The following PTPRT variants were observed in gnomAD, a reference collection of about 807,000 sequenced individuals.
PTPRT encodes the protein receptor-type tyrosine-protein phosphatase T.
In PTPRT, 56 loss-of-function variants were observed where a neutral mutation model predicts 176.8. That is an observed-to-expected ratio of 0.32 (90% CI 0.26 to 0.40). The LOEUF (loss-of-function observed/expected upper bound fraction) is 0.40. PTPRT is among the 10% of genes least tolerant of loss of function. The pLI is 1.00. For missense variants in PTPRT, 1,540 were observed against 1,908.2 expected, an observed-to-expected ratio of 0.81 and a Z score of 3.60; for synonymous variants, 783 against 739.0, an observed-to-expected ratio of 1.06 and a Z score of -0.96.
chr20:42,290,006 ACCTTC>A (rs2057293269), intron 12 of PTPRT, among the ~76,000 whole-genome samples: 1 of 151,926 alleles, frequency 6.6e-6, no homozygotes, highest in African/African-American at 2.4e-5. Context: ...CACTCTCTTG[ACCTTC>A]TGAGTGACTA....
At chr20:42,740,460 C>T (rs779482281) in intron 6 of PTPRT, among the ~76,000 whole-genome samples, 4 of 152,140 alleles carry the variant, frequency 2.6e-5, no homozygotes, top group Admixed American at 2.0e-4. Context: ...TCTGTGCAGC[C>T]CCTGCCGAGT....
intron 1 of PTPRT, among the ~76,000 whole-genome samples, chr20:43,123,251 A>G (rs1568798534): frequency 1.3e-5 from 2 of 152,238 alleles, no homozygotes; most frequent in African/African-American, 4.8e-5. Context: ...CACAAGGGGA[A>G]GAGTAAAACT....
At chr20:43,152,824 A>G (rs975325615) in intron 1 of PTPRT, among the ~76,000 whole-genome samples, 2 of 152,194 alleles carry the variant, frequency 1.3e-5, no homozygotes, top group African/African-American at 4.8e-5. Context: ...CATACTATAT[A>G]TCAAGCTTCT....
intron 23 of PTPRT, among the ~76,000 whole-genome samples, chr20:42,107,415 G>A (rs368343937): frequency 5.3e-5 from 8 of 152,200 alleles, no homozygotes; most frequent in Non-Finnish European, 1.2e-4. Flanking sequence ...TCGCAGGATC[G>A]TGAAGCAAGA....
At chr20:42,237,509 GC>G (rs1301867011) in intron 14 of PTPRT, among the ~76,000 whole-genome samples, 1 of 152,142 alleles carries the variant, frequency 6.6e-6, no homozygotes, top group Non-Finnish European at 1.5e-5. Flanking sequence ...TGAGGCTGCT[GC>G]CCCCCACCAT....
intron 7 of PTPRT, among the ~76,000 whole-genome samples, chr20:42,497,988 T>C (rs2071684839): frequency 6.6e-6 from 1 of 152,142 alleles, no homozygotes. Context: ...AATTTAACCT[T>C]TCTTTTGTAA....
At chr20:42,517,782 A>T (rs1463689002) in intron 7 of PTPRT, among the ~76,000 whole-genome samples, 1 of 152,024 alleles carries the variant, frequency 6.6e-6, no homozygotes, top group Non-Finnish European at 1.5e-5. Flanking sequence ...CCACACACAG[A>T]TTTTAAAATA....
rs1053840569 is a variant in PTPRT at position 42,357,256 on chromosome 20, G to A, written c.1561-4971C>T. On this transcript the variant is annotated intron_variant, in intron 9 of 30. Coordinates refer to ENST00000373187, the MANE Select transcript of PTPRT (RefSeq NM_007050.6). ...GGACTTATGGCTACTCTCACACTAC[G>A]AAAGCAGAGAGAAGTAGCAACAGAT... Among the ~76,000 whole-genome samples the A allele has an allele frequency of 6.6e-5, 10 of 152,098 alleles. No homozygotes were observed. In the South Asian group the frequency reaches 1.7e-3, roughly 25 times the overall value.
intron 16 of PTPRT, among the ~76,000 whole-genome samples, chr20:42,172,105 T>C (rs1041413012): frequency 6.6e-6 from 1 of 152,032 alleles, no homozygotes; most frequent in Non-Finnish European, 1.5e-5. Flanking sequence ...ATATGAACCA[T>C]TGCAATAATG....
chr20:42,130,369 G>A (rs1988068817), intron 18 of PTPRT, among the ~76,000 whole-genome samples: 1 of 152,150 alleles, frequency 6.6e-6, no homozygotes, highest in Non-Finnish European at 1.5e-5. Flanking sequence ...AAGCCACAGT[G>A]GGATTCTAGT....
intron 9 of PTPRT, among the ~76,000 whole-genome samples, chr20:42,447,477 T>C (rs2070754200): frequency 6.6e-6 from 1 of 152,062 alleles, no homozygotes; most frequent in African/African-American, 2.4e-5. Flanking sequence ...AATCTTATGT[T>C]GTGTAAGAAT....
At chr20:42,415,193 T>C (rs1478638546) in intron 9 of PTPRT, among the ~76,000 whole-genome samples, 1 of 152,172 alleles carries the variant, frequency 6.6e-6, no homozygotes, top group Non-Finnish European at 1.5e-5. Context: ...ATTTAGTCAC[T>C]GATTTTAGAG....
intron 7 of PTPRT, among the ~76,000 whole-genome samples, chr20:42,554,060 C>A (rs1478776973): frequency 6.6e-6 from 1 of 151,976 alleles, no homozygotes; most frequent in Admixed American, 6.6e-5. Flanking sequence ...ATATCTAAGG[C>A]AATATAATCT....
chr20:42,360,964 A>G (rs1000305893), intron 9 of PTPRT, among the ~76,000 whole-genome samples: 2 of 152,228 alleles, frequency 1.3e-5, no homozygotes, highest in African/African-American at 4.8e-5. Context: ...AAGAATGAAA[A>G]TGTAACAAAT....
chr20:42,500,972 T>C (rs1363386544), intron 7 of PTPRT, among the ~76,000 whole-genome samples: 3 of 152,156 alleles, frequency 2.0e-5, no homozygotes, highest in African/African-American at 4.8e-5. Flanking sequence ...AGTTTAAACT[T>C]TTAATTGATA....
At chr20:42,642,490 T>C (rs2074780874) in intron 7 of PTPRT, among the ~76,000 whole-genome samples, 1 of 152,182 alleles carries the variant, frequency 6.6e-6, no homozygotes, top group Non-Finnish European at 1.5e-5. Context: ...ACAATGATAA[T>C]AATGTGAATA....
chr20:42,487,176 T>G (rs1026012681), intron 7 of PTPRT, among the ~76,000 whole-genome samples: 1 of 152,212 alleles, frequency 6.6e-6, no homozygotes, highest in African/African-American at 2.4e-5. Context: ...TATGTTCATT[T>G]TAACTATTAT....
chr20:42,611,048 T>C (rs775737930), intron 7 of PTPRT, among the ~76,000 whole-genome samples: 4 of 152,236 alleles, frequency 2.6e-5, no homozygotes, highest in Non-Finnish European at 4.4e-5. Context: ...GGATATGCTA[T>C]ATTTAATTTA....
intron 9 of PTPRT, among the ~76,000 whole-genome samples, chr20:42,391,302 G>C (rs1361441802): frequency 1.3e-5 from 2 of 152,202 alleles, no homozygotes; most frequent in Non-Finnish European, 2.9e-5. Context: ...AGCAAGAGAA[G>C]AGGGGCATGG....
Sources: gnomAD v4.1 joint callset for allele counts (sites outside exome capture counted in the v4.1 genomes callset) on GRCh38, gnomAD v4.1.1 for gene constraint, MANE v1.5 for transcripts, NCBI Gene and HGNC (gene_info 2026-07-23, HGNC 2026-07-21) for gene names.